The following PTPRD variants were observed in gnomAD, a reference collection of about 807,000 sequenced individuals.
PTPRD encodes the protein receptor-type tyrosine-protein phosphatase delta.
A neutral mutation model predicts 214.5 loss-of-function variants in PTPRD; 34 were observed. The observed-to-expected ratio is 0.16, with a 90% CI of 0.12 to 0.21. PTPRD has a LOEUF of 0.21. Ranked by LOEUF, PTPRD falls within the 10% of genes least tolerant of loss-of-function variation. The pLI, the probability that PTPRD is intolerant of heterozygous loss-of-function variation, is 1.00. For synonymous variants in PTPRD, 1,128 were observed against 845.7 expected (o/e 1.33, Z -5.79); for missense variants, 2,545 against 2,398.7 (o/e 1.06, Z -1.27).
intron 5 of PTPRD, among the ~76,000 whole-genome samples, chr9:9,886,969 C>T (rs531348147): frequency 6.6e-6 from 1 of 152,062 alleles, no homozygotes; most frequent in Non-Finnish European, 1.5e-5. Context: ...ACCACTGTCC[C>T]CAAACACCTC....
intron 9 of PTPRD, among the ~76,000 whole-genome samples, chr9:9,365,526 A>C (rs956935656): frequency 3.3e-5 from 5 of 151,454 alleles, no homozygotes; most frequent in African/African-American, 1.2e-4. Flanking sequence ...CCTTTATCTG[A>C]GGTAGTTCTA....
At chr9:10,096,892 A>C (rs1387949654) in intron 3 of PTPRD, among the ~76,000 whole-genome samples, 1 of 151,984 alleles carries the variant, frequency 6.6e-6, no homozygotes, top group East Asian at 1.9e-4. Context: ...TGAAGTCTTT[A>C]ATCCATCTTG....
At chr9:10,105,357 C>T (rs2098614989) in intron 3 of PTPRD, among the ~76,000 whole-genome samples, 1 of 151,730 alleles carries the variant, frequency 6.6e-6, no homozygotes, top group Admixed American at 6.6e-5. Context: ...TTTATGATTG[C>T]TGCAACATAA....
chr9:9,050,541 T>A (rs980442104), intron 10 of PTPRD, among the ~76,000 whole-genome samples: 1 of 152,142 alleles, frequency 6.6e-6, no homozygotes, highest in Non-Finnish European at 1.5e-5. Context: ...TTAGCTGAAG[T>A]CACCTGCAGT....
chr9:10,265,730 C>T (rs566787120), intron 3 of PTPRD, among the ~76,000 whole-genome samples: 4 of 152,218 alleles, frequency 2.6e-5, no homozygotes, highest in South Asian at 2.1e-4. Context: ...AGGCAGCATC[C>T]GGACCTGATC....
At chr9:9,447,992 G>C (rs561796213) in intron 8 of PTPRD, among the ~76,000 whole-genome samples, 4 of 151,962 alleles carry the variant, frequency 2.6e-5, no homozygotes, top group Non-Finnish European at 5.9e-5. Context: ...TTGGTGAAAT[G>C]GGCTACTATT....
intron 11 of PTPRD, among the ~76,000 whole-genome samples, chr9:8,757,633 T>C (rs912234094): frequency 1.4e-4 from 20 of 145,166 alleles, no homozygotes; most frequent in African/African-American, 5.0e-4. Context: ...TATATATATA[T>C]ATATATATAC....
intron 10 of PTPRD, among the ~76,000 whole-genome samples, chr9:9,142,523 T>C (rs923206896): frequency 2.6e-5 from 4 of 152,222 alleles, no homozygotes; most frequent in Admixed American, 2.0e-4. Flanking sequence ...TTTGCCAAAG[T>C]TAGCAGTGAC....
At chr9:10,023,362 T>C (rs2096859804) in intron 4 of PTPRD, among the ~76,000 whole-genome samples, 1 of 152,178 alleles carries the variant, frequency 6.6e-6, no homozygotes, top group African/African-American at 2.4e-5. Flanking sequence ...CATGTATGCC[T>C]GAATAATGGG....
At chr9:9,275,199 T>TGTTATATA in intron 9 of PTPRD, among the ~76,000 whole-genome samples, 1 of 10,402 alleles carries the variant, frequency 9.6e-5, no homozygotes, top group African/African-American at 2.4e-4. Flanking sequence ...TATATATATA[T>TGTTATATA]TATATATATA....
chr9:8,755,914 A>C (rs1424008544), intron 11 of PTPRD, among the ~76,000 whole-genome samples: 1 of 152,230 alleles, frequency 6.6e-6, no homozygotes, highest in East Asian at 1.9e-4. Flanking sequence ...CTTATCTGAA[A>C]ATACAGCAAT....
chr9:9,796,240 C>G (rs1163096572), intron 5 of PTPRD, among the ~76,000 whole-genome samples: 3 of 151,996 alleles, frequency 2.0e-5, no homozygotes, highest in African/African-American at 7.3e-5. Flanking sequence ...ATCTGAGAAA[C>G]GTTTTGAAGA....
At chr9:8,810,828 G>A (rs1043272075) in intron 11 of PTPRD, among the ~76,000 whole-genome samples, 21 of 152,172 alleles carry the variant, frequency 1.4e-4, no homozygotes, top group Non-Finnish European at 1.8e-4. Flanking sequence ...TGGGGTCTTC[G>A]TGAGGTCTCA....
At chr9:10,296,851 TTTC>T (rs1447008635) in intron 3 of PTPRD, among the ~76,000 whole-genome samples, 1 of 152,022 alleles carries the variant, frequency 6.6e-6, no homozygotes. Flanking sequence ...TCTTAGATTG[TTTC>T]TTTTTTCTTA....
chr9:9,280,084 G>A (rs544082449), intron 9 of PTPRD, among the ~76,000 whole-genome samples: 2 of 151,276 alleles, frequency 1.3e-5, no homozygotes, highest in South Asian at 4.1e-4. Context: ...GGTACTATAA[G>A]GGGCTGCATG....
At chr9:10,091,771 T>C (rs1340875760) in intron 3 of PTPRD, among the ~76,000 whole-genome samples, 1 of 119,742 alleles carries the variant, frequency 8.4e-6, no homozygotes, top group Non-Finnish European at 1.7e-5. Context: ...TAAATAAGAA[T>C]ATGTATCTCA....
At chr9:9,996,141 T>A (rs79473237) in intron 4 of PTPRD, among the ~76,000 whole-genome samples, 1 of 152,180 alleles carries the variant, frequency 6.6e-6, no homozygotes, top group Non-Finnish European at 1.5e-5. Context: ...TGTGATTATA[T>A]GTCATAGAAT....
chr9:9,153,515 A>G (rs1366876667), intron 10 of PTPRD, among the ~76,000 whole-genome samples: 1 of 152,158 alleles, frequency 6.6e-6, no homozygotes, highest in African/African-American at 2.4e-5. Context: ...TGAGAGGTCA[A>G]TTTCTCCATA....
chr9:8,339,282 A>G (rs1195587063), intron 42 of PTPRD, among the ~76,000 whole-genome samples: 1 of 152,166 alleles, frequency 6.6e-6, no homozygotes, highest in Non-Finnish European at 1.5e-5. Context: ...TCTGGCAGAT[A>G]GTAGCTGCTT....
Sources: gnomAD v4.1 joint callset for allele counts (sites outside exome capture counted in the v4.1 genomes callset) on GRCh38, gnomAD v4.1.1 for gene constraint, MANE v1.5 for transcripts, NCBI Gene and HGNC (gene_info 2026-07-23, HGNC 2026-07-21) for gene names.